Variants in HDAC9 observed in about 807,000 individuals in gnomAD.
The protein encoded by HDAC9 is histone deacetylase 9.
In HDAC9, 41 loss-of-function variants were observed where a neutral mutation model predicts 139.4. The ratio of observed to expected loss-of-function variants is 0.29; its 90% CI spans 0.23 to 0.38. The LOEUF (loss-of-function observed/expected upper bound fraction) is 0.38, where lower values mean the gene tolerates loss of function less well. Ranked by LOEUF, HDAC9 falls within the 10% of genes least tolerant of loss-of-function variation. The pLI is 1.00. For missense variants in HDAC9, 1,147 were observed against 1,297.0 expected (o/e 0.88, Z 1.78); for synonymous variants, 517 against 476.2 (o/e 1.09, Z -1.12).
At position 18,767,154 on chromosome 7, in the gene HDAC9, G is replaced by T; in HGVS notation, c.2213G>T (p.Gly738Val). The change falls in exon 16 of 26, where the codon GGG becomes GTG. Residue 738 changes from glycine to valine, a missense_variant and splice_region_variant. Transcript: ENST00000686413. ...FFSSLPCGGL[G>V]VDSDTIWNEL... is the part of the protein sequence containing the mutation. ...TCCTCATTACCTTGTGGTGGACTTG[G>T]GGTAAGTACAAGTTGGTTTACTGCC... is the stretch of plus-strand genomic sequence containing the variant. The T allele has an allele frequency of 6.4e-7, 1 of 1,571,150 alleles. No individual in the cohort carries two copies. Among genetic ancestry groups the T allele is most frequent in the African/African-American group, 1.4e-5 (1 of 73,212 alleles).
chr7:18,622,634 T>C (rs1210196783), intron 6 of HDAC9, among the ~76,000 whole-genome samples: 3 of 152,002 alleles, frequency 2.0e-5, no homozygotes, highest in African/African-American at 4.8e-5. Context: ...AAGAAACATT[T>C]ATTAATCTAG....
intron 12 of HDAC9, among the ~76,000 whole-genome samples, chr7:18,705,298 T>C (rs1165289638): frequency 6.6e-6 from 1 of 152,136 alleles, no homozygotes; most frequent in Non-Finnish European, 1.5e-5. Flanking sequence ...CCCTGACTCC[T>C]CCTTACTAAG....
intron 2 of HDAC9, among the ~76,000 whole-genome samples, chr7:18,233,641 T>G (rs759882448): frequency 5.3e-5 from 8 of 152,136 alleles, no homozygotes; most frequent in Non-Finnish European, 8.8e-5. Context: ...AAAGTAAAAT[T>G]GCTTTGGCAA....
At position 18,954,247 on chromosome 7, in the gene HDAC9, C is replaced by T. The variant is rs2389998; in HGVS notation, c.3022+17C>T. The stretch of plus-strand genomic sequence containing the variant: ...AAATTCAAAGTATGTCTTTAAAGTT[C>T]TCTTAAAAATTCTAAGCAGGTAAAA... On this transcript the variant is annotated intron_variant, in intron 24 of 25. Transcript: ENST00000686413. 1,039,664 of 1,368,696 alleles carry T rather than the reference C, an allele frequency of 0.76. 395,978 individuals are homozygous for T. Among genetic ancestry groups the T allele is most frequent in the Admixed American group, 0.85 (42,204 of 49,890 alleles). The allele number at this position is 1,368,696 out of a possible 1,614,324, so 84.8% of individuals were successfully genotyped here.
rs1345982955 is a variant in HDAC9 at position 18,647,880 on chromosome 7, A to G, written c.1131A>G (p.Ala377=). ...LPGQYGGSIP[A]SSSHPHVTLE... ...GGCAGTATGGAGGCAGCATCCCGGC[A>G]TCTTCCAGCCACCCTCATGTTACTT... The change falls in exon 10 of 26, where the codon GCA becomes GCG. Residue 377 remains alanine (A), a synonymous_variant. Transcript: ENST00000686413. 5.0e-6 allele frequency: 8 copies of G among 1,612,754 alleles called. No homozygotes were observed. The highest frequency in any genetic ancestry group is 2.2e-5 in the South Asian group (2 of 90,940).
chr7:18,804,462 G>C (rs896563494), intron 17 of HDAC9, among the ~76,000 whole-genome samples: 2 of 152,126 alleles, frequency 1.3e-5, no homozygotes, highest in Non-Finnish European at 2.9e-5. Context: ...TTCTAATAGG[G>C]CATAAGGATA....
At chr7:18,743,601 C>T (rs1021831705) in intron 13 of HDAC9, among the ~76,000 whole-genome samples, 2 of 139,450 alleles carry the variant, frequency 1.4e-5, no homozygotes, top group Non-Finnish European at 1.6e-5. Context: ...AGTGAGACTG[C>T]GTCTCAAAAA....
intron 2 of HDAC9, among the ~76,000 whole-genome samples, chr7:18,577,924 G>C (rs533373544): frequency 6.6e-6 from 1 of 152,008 alleles, no homozygotes; most frequent in Admixed American, 6.5e-5. Context: ...CTGAAAAAAA[G>C]GACTTGTTAA....
At chr7:18,815,280 A>G (rs931783111) in intron 17 of HDAC9, among the ~76,000 whole-genome samples, 7 of 151,992 alleles carry the variant, frequency 4.6e-5, no homozygotes, top group African/African-American at 1.7e-4. Flanking sequence ...TTTTTGATCA[A>G]TGTGATCCAA....
chr7:18,687,270 A>G (rs748774096), intron 12 of HDAC9, among the ~76,000 whole-genome samples: 9 of 151,964 alleles, frequency 5.9e-5, no homozygotes, highest in Non-Finnish European at 1.0e-4. Context: ...AAATAGTACA[A>G]CCGATTTAAG....
chr7:18,307,139 G>T (rs113873452), intron 1 of HDAC9, among the ~76,000 whole-genome samples: 1,584 of 109,460 alleles, frequency 0.014, 12 homozygotes, highest in Middle Eastern at 0.039. Flanking sequence ...GTGTGTGTGT[G>T]TGTGTTTGTA....
At chr7:18,559,283 C>T (rs1161529226) in intron 2 of HDAC9, among the ~76,000 whole-genome samples, 1 of 152,084 alleles carries the variant, frequency 6.6e-6, no homozygotes, top group Non-Finnish European at 1.5e-5. Context: ...CCACACAATA[C>T]ATACACACAC....
chr7:18,162,184 T>C (rs1787672156), intron 1 of HDAC9: 1 of 691,868 alleles, frequency 1.4e-6, no homozygotes, highest in Non-Finnish European at 2.4e-6. Flanking sequence ...CAGTGTGACT[T>C]GATATAGCTT....
At chr7:18,301,494 GGTTTCATTTAC>G (rs1160739977) in intron 1 of HDAC9, among the ~76,000 whole-genome samples, 1 of 151,834 alleles carries the variant, frequency 6.6e-6, no homozygotes, top group Non-Finnish European at 1.5e-5. Context: ...GACTTATTTA[GGTTTCATTTAC>G]TGTCCCACTG....
chr7:18,329,234 G>T (rs970146412), intron 1 of HDAC9, among the ~76,000 whole-genome samples: 1 of 151,446 alleles, frequency 6.6e-6, no homozygotes, highest in Non-Finnish European at 1.5e-5. Flanking sequence ...TTATCAAAGG[G>T]TACAAAATTT....
intron 4 of HDAC9, 143 bp from the exon 5 acceptor site, chr7:18,591,373 C>G: frequency 8.4e-7 from 1 of 1,193,304 alleles, no homozygotes; most frequent in Non-Finnish European, 1.1e-6. Flanking sequence ...AATAGGAAAA[C>G]TTTATGTGCT....
At chr7:18,871,054 T>C (rs1256317072) in intron 21 of HDAC9, among the ~76,000 whole-genome samples, 1 of 152,194 alleles carries the variant, frequency 6.6e-6, no homozygotes, top group Non-Finnish European at 1.5e-5. Flanking sequence ...TCAATTCTTC[T>C]ACATTTATTA....
At chr7:18,271,504 A>G (rs534599751) in intron 2 of HDAC9, among the ~76,000 whole-genome samples, 1 of 152,336 alleles carries the variant, frequency 6.6e-6, no homozygotes, top group East Asian at 1.9e-4. Context: ...AAGAGCAAAC[A>G]TCTGGTACCA....
At chr7:18,786,726 G>A (rs541371001) in intron 16 of HDAC9, among the ~76,000 whole-genome samples, 12 of 125,892 alleles carry the variant, frequency 9.5e-5, no homozygotes, top group East Asian at 4.4e-4. Context: ...TGTTGCATGC[G>A]CCTCTTGAGT....
Sources: allele counts gnomAD v4.1 joint callset (sites outside exome capture counted in the v4.1 genomes callset), GRCh38; gene constraint gnomAD v4.1.1; transcripts MANE v1.5; gene names NCBI Gene and HGNC (gene_info 2026-07-23, HGNC 2026-07-21).